The following TYR variants were observed in gnomAD, a reference collection of about 807,000 sequenced individuals.
TYR encodes the protein LB24-AB.
TYR carries 58 observed loss-of-function variants against 51.5 expected under a neutral mutation model. The observed-to-expected ratio is 1.13, with a 90% CI of 0.91 to 1.40. The LOEUF (loss-of-function observed/expected upper bound fraction) is 1.40. Among genes scored for constraint, TYR ranks in the 40% most tolerant of loss-of-function variants. The pLI is 0.00. For missense variants in TYR, 732 were observed against 647.4 expected, an observed-to-expected ratio of 1.13 and a Z score of -1.42; for synonymous variants, 263 against 235.2, an observed-to-expected ratio of 1.12 and a Z score of -1.08.
At chr11:89,228,460 A>C (rs1018458290) in intron 3 of TYR, among the ~76,000 whole-genome samples, 6 of 152,172 alleles carry the variant, frequency 3.9e-5, no homozygotes, top group African/African-American at 1.4e-4. Context: ...GAAAGTTGTT[A>C]AGAGCAAAGA....
intron 2 of TYR, among the ~76,000 whole-genome samples, chr11:89,217,570 ATGTGAGG>A (rs1943848666): frequency 6.6e-6 from 1 of 152,154 alleles, no homozygotes; most frequent in Non-Finnish European, 1.5e-5. Flanking sequence ...CCACATATAA[ATGTGAGG>A]TTCATTGTGC....
intron 2 of TYR, among the ~76,000 whole-genome samples, chr11:89,198,468 C>T (rs7929991): frequency 0.22 from 33,877 of 151,718 alleles, 6,029 homozygotes; most frequent in African/African-American, 0.49. Context: ...AAAACCTTTC[C>T]GGGCCTGTTT....
intron 2 of TYR, among the ~76,000 whole-genome samples, chr11:89,207,822 C>A (rs1018712046): frequency 6.6e-6 from 1 of 152,090 alleles, no homozygotes; most frequent in Admixed American, 6.5e-5. Context: ...TGTATCTTGA[C>A]CCTTTCAATA....
At chr11:89,179,545 T>C (rs1943273082) in intron 1 of TYR, among the ~76,000 whole-genome samples, 1 of 142,932 alleles carries the variant, frequency 7.0e-6, no homozygotes, top group Non-Finnish European at 1.6e-5. Flanking sequence ...ATACAGCTAA[T>C]AAGCAGCAAA....
At chr11:89,258,382 T>G (rs1944419874) in intron 3 of TYR, among the ~76,000 whole-genome samples, 1 of 150,098 alleles carries the variant, frequency 6.7e-6, no homozygotes, top group Non-Finnish European at 1.5e-5. Context: ...CAACTTTTCC[T>G]CAAAGGAAAA....
At chr11:89,232,125 A>T (rs1944058621) in intron 3 of TYR, among the ~76,000 whole-genome samples, 1 of 143,940 alleles carries the variant, frequency 6.9e-6, no homozygotes, top group African/African-American at 2.7e-5. Context: ...AAAAGTAAGT[A>T]TGTGAAGTAA....
chr11:89,187,679 T>G (rs1311418896), intron 1 of TYR, among the ~76,000 whole-genome samples: 1 of 152,120 alleles, frequency 6.6e-6, no homozygotes, highest in Non-Finnish European at 1.5e-5. Context: ...TGAAGCCACT[T>G]AACCTCTATA....
intron 3 of TYR, among the ~76,000 whole-genome samples, chr11:89,268,052 C>A (rs1249399507): frequency 1.3e-5 from 2 of 151,948 alleles, no homozygotes; most frequent in Non-Finnish European, 2.9e-5. Flanking sequence ...CTGCAGGTTT[C>A]AAATGTTGAT....
At chr11:89,244,861 A>T (rs3907205) in intron 3 of TYR, among the ~76,000 whole-genome samples, 1 of 152,192 alleles carries the variant, frequency 6.6e-6, no homozygotes, top group Admixed American at 6.5e-5. Context: ...TTATTCTCCA[A>T]CTAGTTTCCT....
intron 2 of TYR, among the ~76,000 whole-genome samples, chr11:89,212,000 T>G (rs917341140): frequency 4.6e-5 from 7 of 151,826 alleles, no homozygotes; most frequent in Admixed American, 2.6e-4. Context: ...AAGCAGGAAA[T>G]ATCTAAAATT....
At chr11:89,228,941 C>A (rs1282862461) in intron 3 of TYR, among the ~76,000 whole-genome samples, 1 of 151,660 alleles carries the variant, frequency 6.6e-6, no homozygotes, top group Non-Finnish European at 1.5e-5. Flanking sequence ...GTTCTTTGTC[C>A]CCTCTACAGT....
intron 3 of TYR, among the ~76,000 whole-genome samples, chr11:89,278,707 G>C (rs1944686799): frequency 6.6e-6 from 1 of 151,518 alleles, no homozygotes; most frequent in Non-Finnish European, 1.5e-5. Flanking sequence ...CCCTTGGTAT[G>C]GGACATTAGT....
In TYR at chr11:89,284,755, T is replaced by A; in HGVS notation, c.1185-18T>A. ...TACACAATATGTTTCTTAGTCTGAATAACCTTTTCCTCTGCAGTATTTTTG... is the reference window on the plus strand; with the variant it reads ...TACACAATATGTTTCTTAGTCTGAAAAACCTTTTCCTCTGCAGTATTTTTG... On this transcript the variant is annotated intron_variant, in intron 3 of 4. Transcript: ENST00000263321. 1.2e-6 allele frequency: 2 copies of A among 1,610,554 alleles called. No homozygotes were observed. Among genetic ancestry groups the A allele is most frequent in the Non-Finnish European group, 1.7e-6 (2 of 1,177,440 alleles).
intron 3 of TYR, among the ~76,000 whole-genome samples, chr11:89,277,190 GTTTGT>G (rs966360136): frequency 1.3e-4 from 19 of 151,454 alleles, no homozygotes; most frequent in African/African-American, 4.6e-4. Flanking sequence ...AAAATTACAA[GTTTGT>G]TTTAACAAGT....
chr11:89,247,670 A>T (rs1382434192), intron 3 of TYR, among the ~76,000 whole-genome samples: 1 of 152,194 alleles, frequency 6.6e-6, no homozygotes, highest in Non-Finnish European at 1.5e-5. Flanking sequence ...TTATTTTACA[A>T]AAAAGGAAAT....
intron 1 of TYR, among the ~76,000 whole-genome samples, chr11:89,187,961 G>A (rs1360077623): frequency 1.3e-5 from 2 of 151,408 alleles, no homozygotes; most frequent in South Asian, 2.1e-4. Flanking sequence ...AGCACTTTAA[G>A]TATTGAGTAT....
At chr11:89,221,740 G>A (rs761714515) in intron 2 of TYR, among the ~76,000 whole-genome samples, 16 of 152,138 alleles carry the variant, frequency 1.1e-4, no homozygotes, top group Middle Eastern at 3.2e-3. Context: ...ATGCACTAAT[G>A]TACATTTTCT....
intron 1 of TYR, among the ~76,000 whole-genome samples, chr11:89,185,418 C>T (rs1356779416): frequency 3.3e-5 from 5 of 152,152 alleles, no homozygotes; most frequent in East Asian, 3.8e-4. Context: ...TTCTTTGGCT[C>T]ATCCACTGAC....
At chr11:89,238,554 C>T (rs1384489851) in intron 3 of TYR, among the ~76,000 whole-genome samples, 1 of 152,070 alleles carries the variant, frequency 6.6e-6, no homozygotes, top group Non-Finnish European at 1.5e-5. Context: ...TTAATTTCTT[C>T]CTTTCTAATT....
Sources: gnomAD v4.1 joint callset for allele counts (sites outside exome capture counted in the v4.1 genomes callset) on GRCh38, gnomAD v4.1.1 for gene constraint, MANE v1.5 for transcripts, NCBI Gene and HGNC (gene_info 2026-07-23, HGNC 2026-07-21) for gene names.